Variants in GNG7 observed in about 807,000 individuals in gnomAD.
The protein encoded by GNG7 is guanine nucleotide-binding protein G(I)/G(S)/G(O) subunit gamma-7.
In GNG7, 1 loss-of-function variant was observed where a neutral mutation model predicts 4.0. The ratio of observed to expected loss-of-function variants is 0.25; its 90% CI spans 0.09 to 1.18. GNG7 has a LOEUF of 1.18. Among genes scored for constraint, GNG7 ranks in the 50% most tolerant of loss-of-function variants. GNG7 has a pLI of 0.50. For synonymous variants in GNG7, 34 were observed against 36.9 expected, an observed-to-expected ratio of 0.92 and a Z score of 0.29; for missense variants, 86 against 91.9, an observed-to-expected ratio of 0.94 and a Z score of 0.26.
Position 2,536,940 on chromosome 19 carries a change from A to ATTTTTTTT in GNG7, c.-37-16216_-37-16215insAAAAAAAA. Among the ~76,000 whole-genome samples the ATTTTTTTT allele has an allele frequency of 2.0e-5, 3 of 147,768 alleles. No homozygotes were observed. The East Asian group carries it at 5.9e-4, about 29-fold the overall frequency. On this transcript the variant is annotated intron_variant, in intron 3 of 4. Transcript: ENST00000382159. ...AAAATATATATACATACATATTTTT[A>ATTTTTTTT]TTTTTATTTTTATTTTTTTTTTTTG...
chr19:2,577,629 A>G (rs1173711580), intron 2 of GNG7, among the ~76,000 whole-genome samples: 1 of 146,404 alleles, frequency 6.8e-6, no homozygotes, highest in South Asian at 2.2e-4. Flanking sequence ...TTAAGCCAGG[A>G]GGCGGAGGTT....
chr19:2,673,282 A>ACAAAT (rs1219818811), intron 1 of GNG7, among the ~76,000 whole-genome samples: 5 of 149,444 alleles, frequency 3.3e-5, no homozygotes, highest in Non-Finnish European at 7.4e-5. Flanking sequence ...ACAAAACAAA[A>ACAAAT]CAAAACAAAA....
At chr19:2,696,040 C>T (rs1913236975) in intron 1 of GNG7, among the ~76,000 whole-genome samples, 1 of 151,470 alleles carries the variant, frequency 6.6e-6, no homozygotes, top group Admixed American at 6.6e-5. Context: ...GCCTGTAATC[C>T]CAGCTACTCG....
intron 1 of GNG7, among the ~76,000 whole-genome samples, chr19:2,677,390 G>A (rs1983621438): frequency 6.6e-6 from 1 of 152,114 alleles, no homozygotes; most frequent in Non-Finnish European, 1.5e-5. Context: ...CTGGCGTGGA[G>A]TGGGTGGAGG....
intron 1 of GNG7, among the ~76,000 whole-genome samples, chr19:2,692,645 A>G (rs1283551640): frequency 1.3e-5 from 2 of 149,988 alleles, no homozygotes; most frequent in Non-Finnish European, 3.0e-5. Context: ...GAAAAAAAAA[A>G]AAAAGAAGGC....
At chr19:2,520,537 G>A (rs1370723778) in intron 4 of GNG7, 71 bp downstream of exon 4, 2 of 802,182 alleles carry the variant, frequency 2.5e-6, no homozygotes, top group Non-Finnish European at 4.2e-6. Context: ...CTCCTGCCGA[G>A]CCTCCTGTTC....
At chr19:2,538,590 C>G in intron 3 of GNG7, 1 of 391,988 alleles carries the variant, frequency 2.6e-6, no homozygotes, top group Admixed American at 3.4e-5. Flanking sequence ...ATGATTGCAC[C>G]GCTGCACTCC....
chr19:2,641,028 G>A (rs1372606480), intron 2 of GNG7, among the ~76,000 whole-genome samples: 1 of 152,220 alleles, frequency 6.6e-6, no homozygotes, highest in African/African-American at 2.4e-5. Flanking sequence ...ATGAAATGAA[G>A]GGGAGGCACT....
At chr19:2,649,140 T>C (rs879617338) in intron 1 of GNG7, among the ~76,000 whole-genome samples, 3 of 151,774 alleles carry the variant, frequency 2.0e-5, no homozygotes, top group Non-Finnish European at 2.9e-5. Flanking sequence ...CTTTGCTATG[T>C]TATCCAGCCT....
intron 1 of GNG7, among the ~76,000 whole-genome samples, chr19:2,701,600 C>T (rs1234188196): frequency 2.0e-5 from 3 of 151,044 alleles, no homozygotes; most frequent in Non-Finnish European, 4.4e-5. Context: ...AATCACACCC[C>T]CCCATCTTCA....
At chr19:2,681,949 GC>G (rs1223626716) in intron 1 of GNG7, among the ~76,000 whole-genome samples, 2 of 150,146 alleles carry the variant, frequency 1.3e-5, no homozygotes, top group East Asian at 3.9e-4. Context: ...TTGCTCTGTT[GC>G]CCAGGCTGGA....
chr19:2,536,532 T>C (rs2144742094), intron 3 of GNG7, among the ~76,000 whole-genome samples: 1 of 152,308 alleles, frequency 6.6e-6, no homozygotes, highest in Non-Finnish European at 1.5e-5. Context: ...AAACAATCGA[T>C]GTTTTGTTTG....
At chr19:2,615,117 G>T (rs1981683489) in intron 2 of GNG7, among the ~76,000 whole-genome samples, 1 of 152,146 alleles carries the variant, frequency 6.6e-6, no homozygotes, top group Non-Finnish European at 1.5e-5. Context: ...GCCACTTTCG[G>T]GGTACTGGGC....
chr19:2,600,786 C>T (rs530984321), intron 2 of GNG7, among the ~76,000 whole-genome samples: 113 of 152,052 alleles, frequency 7.4e-4, no homozygotes, highest in African/African-American at 2.7e-3. Context: ...TCTATCTTAG[C>T]AGTTTTGACC....
In GNG7 at chr19:2,617,424, A is replaced by C. The variant is rs10411547; in HGVS notation, c.-78+28800T>G. Among the ~76,000 whole-genome samples, 15,446 of 152,166 alleles carry C rather than the reference A, an allele frequency of 0.1. 855 individuals carry two copies. The highest frequency in any genetic ancestry group is 0.2 in the South Asian group (951 of 4,830). The stretch of plus-strand genomic sequence containing the variant: ...GAGGACCCCATCAATCTGATCAAGA[A>C]GCCACACTAGGTCACCTCAGACCAA... On this transcript the variant is annotated intron_variant, in intron 2 of 4. Transcript: ENST00000382159. This position sits in a 1 kb window ranked among gnomAD's most constrained non-coding sequence, Gnocchi z 4.7.
rs1978441126 is a variant in GNG7, at chr19:2,527,417, C to T, written c.-37-6692G>A. Among the ~76,000 whole-genome samples the T allele has an allele frequency of 2.0e-5, 3 of 152,202 alleles. No individual in the cohort carries two copies. The South Asian group carries it at 6.2e-4, about 31-fold the overall frequency. On this transcript the variant is annotated intron_variant, in intron 3 of 4. Coordinates refer to ENST00000382159, the MANE Select transcript of GNG7 (RefSeq NM_052847.3). ...TGGGTTCCTGCCTGGAGGCATCGCC[C>T]CTCTGGAGCTGTGCCCCCGCCCTCG...
intron 3 of GNG7, among the ~76,000 whole-genome samples, chr19:2,544,307 C>T (rs1169733965): frequency 6.6e-6 from 1 of 152,204 alleles, no homozygotes; most frequent in Non-Finnish European, 1.5e-5. Context: ...TTGCAGAGAG[C>T]TGTGTCCCTG....
chr19:2,633,477 G>GCGCGCA lies in GNG7; in HGVS notation c.-78+12746_-78+12747insTGCGCG, dbSNP rs1982216684. Among the ~76,000 whole-genome samples, 1 of 63,222 alleles carries GCGCGCA rather than the reference G, an allele frequency of 1.6e-5. No individual in the cohort carries two copies. Among genetic ancestry groups the GCGCGCA allele is most frequent in the African/African-American group, 8.3e-5 (1 of 12,012 alleles). The allele number at this position is 63,222 out of a possible 152,430, so 41.5% of individuals were successfully genotyped here. ...AGCGGTTGCTTAGCAACAGGCGCGCGCGCGCGCGCGCACACACACACACAC... is the reference window on the plus strand; with the variant it reads ...AGCGGTTGCTTAGCAACAGGCGCGCGCGCGCACGCGCGCGCGCACACACACACACAC... On this transcript the variant is annotated intron_variant, in intron 2 of 4. Coordinates refer to ENST00000382159, the MANE Select transcript of GNG7 (RefSeq NM_052847.3). This position sits in a 1 kb window ranked among gnomAD's most constrained non-coding sequence, Gnocchi z 5.9.
intron 4 of GNG7, among the ~76,000 whole-genome samples, chr19:2,515,955 C>G (rs887627175): frequency 1.3e-5 from 2 of 151,810 alleles, no homozygotes; most frequent in African/African-American, 4.8e-5. Flanking sequence ...TGGCTCACAC[C>G]TGTAATCCCA....
Sources: allele counts gnomAD v4.1 joint callset (sites outside exome capture counted in the v4.1 genomes callset), GRCh38; gene constraint gnomAD v4.1.1; non-coding constraint Gnocchi (gnomAD v3.1); transcripts MANE v1.5; gene names NCBI Gene and HGNC (gene_info 2026-07-23, HGNC 2026-07-21).